The following NEO1 variants were observed in gnomAD, a reference collection of about 807,000 sequenced individuals.
The protein encoded by NEO1 is neogenin.
In NEO1, 63 loss-of-function variants were observed where a neutral mutation model predicts 159.7. That is an observed-to-expected ratio of 0.39 (90% CI 0.32 to 0.49). NEO1 has a LOEUF of 0.49. Ranked by LOEUF, NEO1 falls within the 20% of genes least tolerant of loss-of-function variation. The pLI is 0.85. For missense variants in NEO1, 1,615 were observed against 1,831.0 expected (o/e 0.88, Z 2.15); for synonymous variants, 633 against 662.0 (o/e 0.96, Z 0.67).
chr15:73,270,491 T>C, intron 18 of NEO1, 37 bp downstream of exon 18: 1 of 1,568,424 alleles, frequency 6.4e-7, no homozygotes, highest in Non-Finnish European at 8.6e-7. Context: ...ATGGCTGCTT[T>C]TACTTCCCAA....
intron 2 of NEO1, among the ~76,000 whole-genome samples, chr15:73,121,019 C>G (rs1325881035): frequency 6.6e-6 from 1 of 151,082 alleles, no homozygotes; most frequent in Non-Finnish European, 1.5e-5. Context: ...GAGTAAATTG[C>G]AGACAGGTTT....
chr15:73,268,148 G>T (rs984105774), intron 16 of NEO1, among the ~76,000 whole-genome samples: 1 of 151,958 alleles, frequency 6.6e-6, no homozygotes, highest in South Asian at 2.1e-4. Context: ...TGGTAGTTCT[G>T]TTCTGTCTTC....
intron 5 of NEO1, among the ~76,000 whole-genome samples, chr15:73,144,279 AT>A (rs1240122436): frequency 6.6e-6 from 1 of 152,156 alleles, no homozygotes; most frequent in Admixed American, 6.6e-5. Flanking sequence ...ATTCATTCCC[AT>A]TTTTGACCTT....
chr15:73,153,664 A>G (rs2151847766), intron 5 of NEO1, among the ~76,000 whole-genome samples: 1 of 152,352 alleles, frequency 6.6e-6, no homozygotes, highest in South Asian at 2.1e-4. Context: ...TAATATAATT[A>G]TACTTTAAAT....
chr15:73,052,250 G>A (rs967497882), upstream of NEO1, among the ~76,000 whole-genome samples: 1 of 147,032 alleles, frequency 6.8e-6, no homozygotes, highest in African/African-American at 2.5e-5. Context: ...AGCCGAGGGG[G>A]TGCGGGCGAG....
chr15:73,173,334 A>G lies in NEO1; in HGVS notation c.1016-3069A>G, dbSNP rs558727691. Among the ~76,000 whole-genome samples, 736 of 152,340 alleles carry G rather than the reference A, an allele frequency of 4.8e-3. 6 individuals carry two copies. The highest frequency in any genetic ancestry group is 8.2e-3 in the Non-Finnish European group (561 of 68,026). ...TATTTGTTCCACCATATATTATAAC[A>G]TATTGCATAGTTATAATAATTTTAT... On this transcript the variant is annotated intron_variant, in intron 5 of 28. Transcript: ENST00000261908.
chr15:73,093,674 G>A (rs1281149138), intron 1 of NEO1, among the ~76,000 whole-genome samples: 1 of 151,676 alleles, frequency 6.6e-6, no homozygotes, highest in Non-Finnish European at 1.5e-5. Flanking sequence ...CCCAGGCTCA[G>A]GTGATCCTCC....
intron 7 of NEO1, among the ~76,000 whole-genome samples, chr15:73,220,738 A>G (rs1441857199): frequency 1.3e-5 from 2 of 152,084 alleles, no homozygotes; most frequent in Non-Finnish European, 1.5e-5. Flanking sequence ...AGGCTTCTGC[A>G]TTCTTCACGT....
chr15:73,099,102 A>G (rs1340524819), intron 1 of NEO1, among the ~76,000 whole-genome samples: 1 of 152,156 alleles, frequency 6.6e-6, no homozygotes, highest in African/African-American at 2.4e-5. Context: ...TTACTCCTGG[A>G]GATGCATTTA....
chr15:73,147,107 T>G (rs542830138), intron 5 of NEO1, among the ~76,000 whole-genome samples: 1 of 152,318 alleles, frequency 6.6e-6, no homozygotes, highest in African/African-American at 2.4e-5. Context: ...GCAAATTAAT[T>G]TATTTACTTG....
chr15:73,166,408 A>G lies in NEO1; in HGVS notation c.1016-9995A>G, dbSNP rs539076276. Among the ~76,000 whole-genome samples the G allele has an allele frequency of 2.6e-5, 4 of 152,332 alleles. No homozygotes were observed. In the South Asian group the frequency reaches 8.3e-4, roughly 32 times the overall value. On this transcript the variant is annotated intron_variant, in intron 5 of 28. Transcript: ENST00000261908. ...CAGTGCAGCAAAGCTAAACACTGAC[A>G]TTTGGATTGCTGCAAAGAGAAATGG...
intron 1 of NEO1, among the ~76,000 whole-genome samples, chr15:73,097,441 A>G (rs1379505888): frequency 1.8e-4 from 26 of 146,462 alleles, no homozygotes; most frequent in African/African-American, 6.4e-4. Context: ...GCTCACTGCA[A>G]CCTCTGCCTC....
At chr15:73,123,364 C>CT (rs1429558140) in intron 3 of NEO1, among the ~76,000 whole-genome samples, 1 of 152,130 alleles carries the variant, frequency 6.6e-6, no homozygotes, top group Admixed American at 6.5e-5. Flanking sequence ...AGTGCTGTGT[C>CT]TTTTGTCAAG....
At chr15:73,208,469 T>C (rs559781989) in intron 7 of NEO1, among the ~76,000 whole-genome samples, 6 of 152,232 alleles carry the variant, frequency 3.9e-5, no homozygotes, top group Non-Finnish European at 7.3e-5. Flanking sequence ...TTAGTAGAAC[T>C]TTATTTTTTT....
intron 5 of NEO1, among the ~76,000 whole-genome samples, chr15:73,163,203 C>T (rs1388725044): frequency 1.3e-5 from 2 of 151,954 alleles, no homozygotes; most frequent in Non-Finnish European, 2.9e-5. Flanking sequence ...CAACAAAAAA[C>T]ATGTTAATCA....
chr15:73,136,372 A>G (rs2031761498), intron 5 of NEO1, among the ~76,000 whole-genome samples: 2 of 151,970 alleles, frequency 1.3e-5, no homozygotes, highest in South Asian at 2.1e-4. Context: ...TATTGTTGTT[A>G]CTATTTGTAG....
At chr15:73,148,642 A>G (rs2033119248) in intron 5 of NEO1, among the ~76,000 whole-genome samples, 1 of 152,218 alleles carries the variant, frequency 6.6e-6, no homozygotes, top group African/African-American at 2.4e-5. Flanking sequence ...GGAGCATTTT[A>G]TATCAGAGCA....
chr15:73,224,863 G>T (rs1486655061), intron 7 of NEO1, among the ~76,000 whole-genome samples: 1 of 152,030 alleles, frequency 6.6e-6, no homozygotes, highest in East Asian at 1.9e-4. Context: ...TTTTTTGGGG[G>T]GGGTGTTAAA....
intron 1 of NEO1, among the ~76,000 whole-genome samples, chr15:73,054,423 G>A (rs1366551225): frequency 6.6e-6 from 1 of 152,196 alleles, no homozygotes; most frequent in Non-Finnish European, 1.5e-5. Context: ...CACAGATGAG[G>A]TGCAAGGCAT....
Sources: allele counts gnomAD v4.1 joint callset (sites outside exome capture counted in the v4.1 genomes callset), GRCh38; gene constraint gnomAD v4.1.1; transcripts MANE v1.5; gene names NCBI Gene and HGNC (gene_info 2026-07-23, HGNC 2026-07-21).